Variants in SNTB1 observed in about 807,000 individuals in gnomAD.
The protein encoded by SNTB1 is beta-1-syntrophin.
In SNTB1, 36 loss-of-function variants were observed where a neutral mutation model predicts 48.9. The ratio of observed to expected loss-of-function variants is 0.74; its 90% CI spans 0.56 to 0.97. The LOEUF is 0.97. Among genes scored for constraint, SNTB1 ranks in the 50% least tolerant of loss-of-function variants. The probability of loss-of-function intolerance (pLI) is 0.00; values close to 1 mark genes in which losing one functional copy is unlikely to be tolerated. For synonymous variants in SNTB1, 299 were observed against 294.6 expected, an observed-to-expected ratio of 1.01 and a Z score of -0.15; for missense variants, 786 against 703.4, an observed-to-expected ratio of 1.12 and a Z score of -1.33.
At chr8:120,700,206 A>C (rs1016816780) in intron 1 of SNTB1, among the ~76,000 whole-genome samples, 9 of 150,976 alleles carry the variant, frequency 6.0e-5, no homozygotes, top group African/African-American at 2.2e-4. Context: ...TATTTAAGTC[A>C]ATATTTTTAT....
chr8:120,733,619 C>A (rs1391054079), intron 1 of SNTB1, among the ~76,000 whole-genome samples: 1 of 152,200 alleles, frequency 6.6e-6, no homozygotes, highest in African/African-American at 2.4e-5. Flanking sequence ...AAAGTAATTA[C>A]AAATAATTAG....
intron 3 of SNTB1, among the ~76,000 whole-genome samples, chr8:120,614,561 T>C (rs1331607860): frequency 1.3e-5 from 2 of 152,212 alleles, no homozygotes; most frequent in African/African-American, 4.8e-5. Flanking sequence ...CAGCACTGTC[T>C]TGAAATGTCA....
At position 120,811,814 on chromosome 8, in the gene SNTB1, A is replaced by AGCCGCC. The variant is rs547154887; in HGVS notation, c.24_29dup (p.Ala9_Ala10dup). ...GGCCGCCTCCCGCGCCAGCCGGCCC[A>AGCCGCC]GCCGCCGCCGCCGCCGCCGCTACCG... On this transcript the variant is annotated inframe_insertion, in exon 1 of 7. Transcript: ENST00000517992. 6.0e-5 allele frequency: 81 copies of AGCCGCC among 1,354,060 alleles called. No homozygotes were observed. The East Asian group carries it at 6.5e-4, about 11-fold the overall frequency. The allele number at this position is 1,354,060 out of a possible 1,614,324, so 83.9% of individuals were successfully genotyped here. A position where few individuals can be genotyped will look rare whatever the true frequency, so the allele number is the denominator to read the frequency against.
intron 1 of SNTB1, among the ~76,000 whole-genome samples, chr8:120,775,852 A>T (rs940706182): frequency 6.6e-6 from 1 of 152,170 alleles, no homozygotes; most frequent in African/African-American, 2.4e-5. Flanking sequence ...GCACAGTCTA[A>T]GTGCCATTCT....
At chr8:120,683,152 A>G (rs1817965791) in intron 2 of SNTB1, among the ~76,000 whole-genome samples, 1 of 152,094 alleles carries the variant, frequency 6.6e-6, no homozygotes, top group African/African-American at 2.4e-5. Flanking sequence ...AAGTGCTGGG[A>G]TTACAGGCGT....
At chr8:120,686,547 C>T (rs1216223780) in intron 2 of SNTB1, among the ~76,000 whole-genome samples, 1 of 151,762 alleles carries the variant, frequency 6.6e-6, no homozygotes, top group East Asian at 1.9e-4. Flanking sequence ...GGTCTCATCT[C>T]TTAACATTAT....
intron 1 of SNTB1, among the ~76,000 whole-genome samples, chr8:120,706,121 A>G (rs560487447): frequency 6.6e-6 from 1 of 152,356 alleles, no homozygotes; most frequent in Admixed American, 6.5e-5. Context: ...GCACAAGCTT[A>G]TCACTCAAAT....
intron 1 of SNTB1, among the ~76,000 whole-genome samples, chr8:120,809,638 A>G (rs899602970): frequency 2.6e-5 from 4 of 151,944 alleles, no homozygotes; most frequent in Non-Finnish European, 4.4e-5. Context: ...CAGTATTTAC[A>G]GTAAGTATTG....
intron 1 of SNTB1, among the ~76,000 whole-genome samples, chr8:120,802,781 T>C (rs539687935): frequency 6.6e-6 from 1 of 152,274 alleles, no homozygotes; most frequent in East Asian, 1.9e-4. Context: ...ATTTAGGACT[T>C]ACCAAATTCC....
At chr8:120,610,749 G>C (rs938132003) in intron 3 of SNTB1, among the ~76,000 whole-genome samples, 2 of 152,136 alleles carry the variant, frequency 1.3e-5, no homozygotes, top group Non-Finnish European at 2.9e-5. Context: ...CTGAGATCTT[G>C]TTGGGAAGCT....
At chr8:120,624,168 C>T (rs1361473751) in intron 3 of SNTB1, among the ~76,000 whole-genome samples, 1 of 152,122 alleles carries the variant, frequency 6.6e-6, no homozygotes, top group Non-Finnish European at 1.5e-5. Context: ...AAACTCCTGA[C>T]CTCCAGTGAT....
chr8:120,757,884 T>C (rs1819344907), intron 1 of SNTB1, among the ~76,000 whole-genome samples: 1 of 152,132 alleles, frequency 6.6e-6, no homozygotes, highest in African/African-American at 2.4e-5. Flanking sequence ...AAGTTAGTGA[T>C]GGCCATGTTT....
Position 120,693,820 on chromosome 8 carries a change from AG to A in SNTB1, c.659del (p.Pro220LeufsTer3), listed in dbSNP as rs1264424921. 1.2e-6 allele frequency: 2 copies of A among 1,613,884 alleles called. No individual in the cohort carries two copies. Among genetic ancestry groups the A allele is most frequent in the African/African-American group, 2.7e-5 (2 of 74,886 alleles). ...IGWETPPPES[P>X]RLGGSTSDPP... ...GGTCTGAGGTGCTGCCCCCTAACCG[AG>A]GGGATTCAGGCGGAGGTGTTTCCCA... On this transcript the variant is annotated frameshift_variant, in exon 2 of 7. Transcript: ENST00000517992. LOFTEE classifies it high-confidence loss of function.
At chr8:120,809,327 T>A (rs1164516113) in intron 1 of SNTB1, among the ~76,000 whole-genome samples, 3 of 152,228 alleles carry the variant, frequency 2.0e-5, no homozygotes, top group Admixed American at 6.5e-5. Context: ...CCCACAGGGT[T>A]TCTCCAGAGG....
intron 3 of SNTB1, among the ~76,000 whole-genome samples, chr8:120,605,387 C>A (rs1816497384): frequency 6.6e-6 from 1 of 152,216 alleles, no homozygotes; most frequent in Non-Finnish European, 1.5e-5. Context: ...AGCTACAAGG[C>A]TAACAGCTGG....
At chr8:120,590,531 T>G (rs781384594) in intron 3 of SNTB1, among the ~76,000 whole-genome samples, 6 of 152,170 alleles carry the variant, frequency 3.9e-5, no homozygotes, top group Non-Finnish European at 5.9e-5. Flanking sequence ...TAATGATTAA[T>G]GCTTTCTGGA....
intron 3 of SNTB1, among the ~76,000 whole-genome samples, chr8:120,616,236 C>T (rs1359857912): frequency 1.3e-5 from 2 of 151,732 alleles, no homozygotes; most frequent in South Asian, 2.1e-4. Flanking sequence ...GAAGAGATTA[C>T]TAGCAGTTGG....
chr8:120,743,908 C>T (rs983555268), intron 1 of SNTB1, among the ~76,000 whole-genome samples: 6 of 152,146 alleles, frequency 3.9e-5, no homozygotes, highest in South Asian at 2.1e-4. Context: ...GCAGGAGGAT[C>T]GCTTGAAGCC....
intron 1 of SNTB1, among the ~76,000 whole-genome samples, chr8:120,810,127 T>C (rs1242211816): frequency 2.6e-5 from 4 of 152,196 alleles, no homozygotes; most frequent in African/African-American, 4.8e-5. Flanking sequence ...TCAGCATGCA[T>C]GTCATGGAGC....
Sources: allele counts gnomAD v4.1 joint callset (sites outside exome capture counted in the v4.1 genomes callset), GRCh38; gene constraint gnomAD v4.1.1; transcripts MANE v1.5; gene names NCBI Gene and HGNC (gene_info 2026-07-23, HGNC 2026-07-21).